The following KIAA0319L variants were observed in gnomAD, a reference collection of about 807,000 sequenced individuals.
KIAA0319L encodes the protein KIAA0319 like, also known as dyslexia-associated protein KIAA0319-like protein.
Under a neutral mutation model 120.1 loss-of-function variants are expected in KIAA0319L, and 55 were observed. The ratio of observed to expected loss-of-function variants is 0.46; its 90% CI spans 0.37 to 0.57. The LOEUF is 0.57. KIAA0319L is among the 20% of genes least tolerant of loss of function. The pLI is 0.00. For synonymous variants in KIAA0319L, 398 were observed against 471.9 expected, an observed-to-expected ratio of 0.84 and a Z score of 2.03; for missense variants, 1,049 against 1,255.3, an observed-to-expected ratio of 0.84 and a Z score of 2.48.
At chr1:35,521,551 G>A (rs193261992) in intron 2 of KIAA0319L, among the ~76,000 whole-genome samples, 84 of 151,628 alleles carry the variant, frequency 5.5e-4, no homozygotes, top group Non-Finnish European at 9.9e-4. Context: ...GGAGAATGGC[G>A]TGAACCCGGG....
At chr1:35,469,303 A>C (rs1464146475) in intron 6 of KIAA0319L, among the ~76,000 whole-genome samples, 2 of 152,054 alleles carry the variant, frequency 1.3e-5, no homozygotes, top group Non-Finnish European at 2.9e-5. Flanking sequence ...TTTACACCTA[A>C]ATTTTTCAAC....
intron 7 of KIAA0319L, among the ~76,000 whole-genome samples, chr1:35,464,030 T>C (rs889938357): frequency 1.3e-5 from 2 of 152,166 alleles, no homozygotes; most frequent in African/African-American, 2.4e-5. Flanking sequence ...TCTAAGTCCA[T>C]TAAAACTCAT....
At chr1:35,461,113 A>G (rs1412471990) in intron 8 of KIAA0319L, among the ~76,000 whole-genome samples, 7 of 152,212 alleles carry the variant, frequency 4.6e-5, no homozygotes, top group African/African-American at 9.7e-5. Flanking sequence ...CATCTATATG[A>G]TGGAATGCTA....
At chr1:35,499,055 G>A (rs546708580) in intron 3 of KIAA0319L, among the ~76,000 whole-genome samples, 1 of 152,252 alleles carries the variant, frequency 6.6e-6, no homozygotes, top group South Asian at 2.1e-4. Context: ...TTAATTAAAA[G>A]TTAGTCTTCT....
chr1:35,484,122 C>T (rs904918766), intron 3 of KIAA0319L, among the ~76,000 whole-genome samples: 13 of 152,298 alleles, frequency 8.5e-5, no homozygotes, highest in African/African-American at 3.1e-4. Context: ...AGGTCACATG[C>T]TGAGGTTCCA....
At chr1:35,509,024 C>G (rs1645317478) in intron 2 of KIAA0319L, among the ~76,000 whole-genome samples, 1 of 152,142 alleles carries the variant, frequency 6.6e-6, no homozygotes, top group African/African-American at 2.4e-5. Context: ...GGACAACAGG[C>G]AGTGCAGGAC....
rs188639541 is a variant in KIAA0319L at position 35,469,812 on chromosome 1, C to T, written c.1113+1051G>A. Among the ~76,000 whole-genome samples, 55 of 152,002 alleles carry T rather than the reference C, an allele frequency of 3.6e-4. 1 individual carries two copies. Among genetic ancestry groups the T allele is most frequent in the Admixed American group, 2.7e-3 (41 of 15,262 alleles). On this transcript the variant is annotated intron_variant, in intron 6 of 20. Coordinates refer to ENST00000325722, the MANE Select transcript of KIAA0319L (RefSeq NM_024874.5). ...AAATCCCCAATGCCTGCCACATGAC[C>T]AGTGTACAATGAATAGATGTAGAAT... is the stretch of plus-strand genomic sequence containing the variant.
In KIAA0319L at chr1:35,470,783, C is replaced by G. The variant is rs114746956; in HGVS notation, c.1113+80G>C. 2.1e-3 allele frequency: 1,846 copies of G among 890,798 alleles called. 25 individuals carry two copies. The African/African-American group carries it at 0.028, about 13-fold the overall frequency. The allele number at this position is 890,798 out of a possible 1,614,324, so 55.2% of individuals were successfully genotyped here. A position where few individuals can be genotyped will look rare whatever the true frequency, so the allele number is the denominator to read the frequency against. On this transcript the variant is annotated intron_variant, in intron 6 of 20. Coordinates refer to ENST00000325722, the MANE Select transcript of KIAA0319L (RefSeq NM_024874.5). ...AGACTGTTTACAACTTAAGTGTAGACAGAAAATTATATGATATTCATTTTA... is the reference window on the plus strand; with the variant it reads ...AGACTGTTTACAACTTAAGTGTAGAGAGAAAATTATATGATATTCATTTTA...
At position 35,554,460 on chromosome 1, in the gene KIAA0319L, G is replaced by C. The variant is rs1299014059; in HGVS notation, c.32C>G (p.Pro11Arg). The stretch of plus-strand genomic sequence containing the variant: ...ATATCCTGATAAAATCCAGGAAGCA[G>C]GATTTGGCTTGACTCCCAGCCTCTT... Reference protein sequence around the residue: MEKRLGVKPNPASWILSGYYW... With the variant: MEKRLGVKPNRASWILSGYYW... The change falls in exon 2 of 21, where the codon CCT becomes CGT. Residue 11 changes from proline (P) to arginine (R), a missense_variant. Transcript: ENST00000325722. The C allele has an allele frequency of 1.2e-6, 2 of 1,613,066 alleles. No homozygotes were observed. Among genetic ancestry groups the C allele is most frequent in the Admixed American group, 1.7e-5 (1 of 59,672 alleles).
intron 3 of KIAA0319L, among the ~76,000 whole-genome samples, chr1:35,496,929 A>T (rs1326241014): frequency 4.3e-5 from 6 of 141,174 alleles, no homozygotes; most frequent in Non-Finnish European, 9.0e-5. Flanking sequence ...CCTGAGCAAC[A>T]GAGTGAGATT....
chr1:35,481,452 T>C (rs1250407923), intron 3 of KIAA0319L, among the ~76,000 whole-genome samples: 2 of 152,224 alleles, frequency 1.3e-5, no homozygotes, highest in African/African-American at 4.8e-5. Flanking sequence ...TTGGTATTCC[T>C]GGTCTTTTTA....
At chr1:35,520,380 A>T (rs1645862647) in intron 2 of KIAA0319L, among the ~76,000 whole-genome samples, 1 of 151,908 alleles carries the variant, frequency 6.6e-6, no homozygotes, top group Non-Finnish European at 1.5e-5. Flanking sequence ...TTACAGGCAT[A>T]AGCCACTGCA....
At chr1:35,474,208 A>G (rs1643813130) in intron 5 of KIAA0319L, among the ~76,000 whole-genome samples, 1 of 152,168 alleles carries the variant, frequency 6.6e-6, no homozygotes, top group Non-Finnish European at 1.5e-5. Context: ...GTACTATATA[A>G]TGTAGGGTTT....
Position 35,500,580 on chromosome 1 carries a change from G to A in KIAA0319L, c.666+6032C>T, listed in dbSNP as rs139603401. On this transcript the variant is annotated intron_variant, in intron 3 of 20. Coordinates refer to ENST00000325722, the MANE Select transcript of KIAA0319L (RefSeq NM_024874.5). The stretch of plus-strand genomic sequence containing the variant: ...ACAATCCAAATGCCTTTGCAGCTCT[G>A]CAGGCAGGCAAGACAAAAGCAATTT... Among the ~76,000 whole-genome samples the A allele has an allele frequency of 2.4e-3, 367 of 152,360 alleles. 2 individuals carry two copies. The highest frequency in any genetic ancestry group is 7.8e-3 in the African/African-American group (326 of 41,590).
intron 2 of KIAA0319L, among the ~76,000 whole-genome samples, chr1:35,508,604 A>G (rs1645298549): frequency 6.6e-6 from 1 of 152,196 alleles, no homozygotes; most frequent in African/African-American, 2.4e-5. Context: ...CTTAAAAAAA[A>G]AGATGAAGAA....
intron 2 of KIAA0319L, among the ~76,000 whole-genome samples, chr1:35,546,857 A>C (rs373353130): frequency 6.6e-6 from 1 of 151,998 alleles, no homozygotes; most frequent in Non-Finnish European, 1.5e-5. Context: ...TGGAACCCCC[A>C]TACTTTACTG....
chr1:35,525,403 T>C (rs1261487714), intron 2 of KIAA0319L, among the ~76,000 whole-genome samples: 1 of 152,194 alleles, frequency 6.6e-6, no homozygotes, highest in African/African-American at 2.4e-5. Flanking sequence ...GTTCTATCTT[T>C]AGTTTGTTAA....
At chr1:35,554,287 G>T in intron 2 of KIAA0319L, 63 bp downstream of exon 2, 1 of 1,254,200 alleles carries the variant, frequency 8.0e-7, no homozygotes, top group Non-Finnish European at 1.1e-6. Context: ...AATGAACTGA[G>T]GGACTCACAT....
chr1:35,532,117 G>T (rs191177275), intron 2 of KIAA0319L, among the ~76,000 whole-genome samples: 2 of 151,888 alleles, frequency 1.3e-5, no homozygotes, highest in Admixed American at 6.6e-5. Flanking sequence ...AAAATTAGCC[G>T]GGCGTGGTGG....
Sources: gnomAD v4.1 joint callset for allele counts (sites outside exome capture counted in the v4.1 genomes callset) on GRCh38, gnomAD v4.1.1 for gene constraint, MANE v1.5 for transcripts, NCBI Gene and HGNC (gene_info 2026-07-23, HGNC 2026-07-21) for gene names.